GFOD1: variants seen among roughly 807,000 people sequenced by gnomAD.
GFOD1 encodes glucose-fructose oxidoreductase domain-containing protein 1.
A neutral mutation model predicts 25.4 loss-of-function variants in GFOD1; 9 were observed. That is an observed-to-expected ratio of 0.35 (90% CI 0.21 to 0.62). The LOEUF is 0.62. Among genes scored for constraint, GFOD1 ranks in the 20% least tolerant of loss-of-function variants. The pLI, the probability that GFOD1 is intolerant of heterozygous loss-of-function variation, is 0.72. For missense variants in GFOD1, 403 were observed against 556.9 expected, an observed-to-expected ratio of 0.72 and a Z score of 2.78; for synonymous variants, 253 against 245.6, an observed-to-expected ratio of 1.03 and a Z score of -0.28.
chr6:13,432,533 C>T (rs1462353909), intron 1 of GFOD1, among the ~76,000 whole-genome samples: 1 of 152,044 alleles, frequency 6.6e-6, no homozygotes, highest in Non-Finnish European at 1.5e-5. Context: ...AGACAAGAAC[C>T]TTAGGAAGAA....
intron 1 of GFOD1, among the ~76,000 whole-genome samples, chr6:13,465,673 T>C (rs2841557): frequency 0.92 from 139,769 of 152,184 alleles, 65,320 homozygotes; most frequent in East Asian, 1. Context: ...TAACTCATAG[T>C]CAAGCCTGAG....
intron 1 of GFOD1, among the ~76,000 whole-genome samples, chr6:13,379,253 T>G (rs1785313255): frequency 2.0e-5 from 3 of 152,130 alleles, no homozygotes; most frequent in Admixed American, 2.0e-4. Context: ...CCCCTGAATC[T>G]CCTTGCTGTG....
At position 13,374,269 on chromosome 6, in the gene GFOD1, T is replaced by TGTGTGTGTGTGTG. The variant is rs1388428104; in HGVS notation, c.254-8608_254-8607insCACACACACACAC. ...CCTAGTCTTTTTAAAAATATGTTTT[T>TGTGTGTGTGTGTG]TTTTTGTGTGTGTGTGTGTGTGTGT... is the stretch of plus-strand genomic sequence containing the variant. On this transcript the variant is annotated intron_variant, in intron 1 of 1. Transcript: ENST00000379287. Among the ~76,000 whole-genome samples the TGTGTGTGTGTGTG allele has an allele frequency of 2.4e-3, 290 of 121,848 alleles. 1 individual carries two copies. The highest frequency in any genetic ancestry group is 8.4e-3 in the South Asian group (34 of 4,048). The allele number at this position is 121,848 out of a possible 152,430, so 79.9% of individuals were successfully genotyped here.
At chr6:13,442,719 C>T (rs1433741077) in intron 1 of GFOD1, among the ~76,000 whole-genome samples, 1 of 152,092 alleles carries the variant, frequency 6.6e-6, no homozygotes, top group Admixed American at 6.6e-5. Context: ...GATGACAGCA[C>T]AATATTTTAA....
chr6:13,459,186 T>A (rs1396354693), intron 1 of GFOD1, among the ~76,000 whole-genome samples: 6 of 151,788 alleles, frequency 4.0e-5, no homozygotes, highest in Admixed American at 1.3e-4. Context: ...AGAATAGAGA[T>A]CTCAGAAATA....
intron 1 of GFOD1, among the ~76,000 whole-genome samples, chr6:13,480,259 C>T (rs1328472633): frequency 6.6e-6 from 1 of 152,208 alleles, no homozygotes; most frequent in African/African-American, 2.4e-5. Context: ...CTTGCACTCC[C>T]ATGGAGAAAC....
intron 1 of GFOD1, among the ~76,000 whole-genome samples, chr6:13,462,893 C>T (rs1210032497): frequency 6.6e-6 from 1 of 152,196 alleles, no homozygotes; most frequent in Non-Finnish European, 1.5e-5. Flanking sequence ...AGTTCTTATC[C>T]TTGAGAAGAA....
At chr6:13,372,349 G>C (rs1454191010) in intron 1 of GFOD1, among the ~76,000 whole-genome samples, 3 of 152,172 alleles carry the variant, frequency 2.0e-5, no homozygotes, top group Non-Finnish European at 4.4e-5. Flanking sequence ...TCCGAAGCCT[G>C]CTGAATGTGT....
Position 13,410,577 on chromosome 6 carries a change from GGAGAGAGAGAGA to G in GFOD1, c.254-44927_254-44916del, listed in dbSNP as rs10530261. On this transcript the variant is annotated intron_variant, in intron 1 of 1. Coordinates refer to ENST00000379287, the MANE Select transcript of GFOD1 (RefSeq NM_018988.4). The stretch of plus-strand genomic sequence containing the variant: ...AGCAAAACTCTGTCAAAGAAAGAAA[GGAGAGAGAGAGA>G]GAGAGAGAGAGAGAGAGAGAGAGAG... Among the ~76,000 whole-genome samples the G allele has an allele frequency of 2.0e-4, 25 of 128,184 alleles. 2 individuals are homozygous for G. In the East Asian group the frequency reaches 3.2e-3, roughly 16 times the overall value. The allele number at this position is 128,184 out of a possible 152,430, so 84.1% of individuals were successfully genotyped here.
chr6:13,448,283 T>C (rs1277383801), intron 1 of GFOD1, among the ~76,000 whole-genome samples: 1 of 152,222 alleles, frequency 6.6e-6, no homozygotes, highest in Non-Finnish European at 1.5e-5. Context: ...TTCATTTACC[T>C]GTTGTTTTGT....
chr6:13,379,714 G>A lies in GFOD1; in HGVS notation c.254-14052C>T, dbSNP rs548637300. Among the ~76,000 whole-genome samples, 182 of 152,298 alleles carry A rather than the reference G, an allele frequency of 1.2e-3. 1 individual carries two copies. The highest frequency in any genetic ancestry group is 2.1e-3 in the South Asian group (10 of 4,822). On this transcript the variant is annotated intron_variant, in intron 1 of 1. Transcript: ENST00000379287. ...ATTCCCTTCTGCTAAAATCAGCCAG[G>A]TAGTTTCTGTTGTTGGCAATTTAAA...
At chr6:13,441,037 G>A (rs922869416) in intron 1 of GFOD1, among the ~76,000 whole-genome samples, 1 of 152,172 alleles carries the variant, frequency 6.6e-6, no homozygotes, top group Non-Finnish European at 1.5e-5. Flanking sequence ...TCAGATCATC[G>A]TGAAGAAGTC....
intron 1 of GFOD1, among the ~76,000 whole-genome samples, chr6:13,389,974 C>T (rs905278582): frequency 1.3e-5 from 2 of 152,058 alleles, no homozygotes; most frequent in Admixed American, 6.6e-5. Flanking sequence ...CAAGTTCAGC[C>T]CCCCGTGCAC....
At chr6:13,470,780 G>A in intron 1 of GFOD1, 1 of 1,162,082 alleles carries the variant, frequency 8.6e-7, no homozygotes, top group Non-Finnish European at 1.2e-6. Context: ...CTTTGCCCTT[G>A]ACTACAGTCA....
chr6:13,426,999 T>C (rs1034475859), intron 1 of GFOD1, among the ~76,000 whole-genome samples: 1 of 152,196 alleles, frequency 6.6e-6, no homozygotes, highest in Non-Finnish European at 1.5e-5. Flanking sequence ...ATCATATCTC[T>C]CTCACAGTTA....
At chr6:13,401,538 A>G (rs1466145074) in intron 1 of GFOD1, among the ~76,000 whole-genome samples, 5 of 152,260 alleles carry the variant, frequency 3.3e-5, no homozygotes, top group African/African-American at 9.6e-5. Flanking sequence ...ATGTTGCAGA[A>G]AAATGAACAA....
Position 13,486,732 on chromosome 6 carries a change from GCT to G in GFOD1, c.157_158del (p.Ser53ProfsTer3). The G allele has an allele frequency of 6.2e-7, 1 of 1,614,122 alleles. No homozygotes were observed. Among genetic ancestry groups the G allele is most frequent in the Middle Eastern group, 1.6e-4 (1 of 6,062 alleles). On this transcript the variant is annotated frameshift_variant, in exon 1 of 2. Coordinates refer to ENST00000379287, the MANE Select transcript of GFOD1 (RefSeq NM_018988.4). LOFTEE classifies it high-confidence loss of function. ...GATGCAGCAGCACCTCATCAATGCG[GCT>G]AGTGTAGAAGGGGACACTCATCTCC... is the stretch of plus-strand genomic sequence containing the variant. ...AKEMSVPFYT[S>X]RIDEVLLHQD...
intron 1 of GFOD1, among the ~76,000 whole-genome samples, chr6:13,442,184 G>A (rs1052631925): frequency 6.6e-6 from 1 of 152,224 alleles, no homozygotes; most frequent in South Asian, 2.1e-4. Context: ...CATTGTATGT[G>A]AGGTACTGCT....
rs764219588 is a variant in GFOD1 at position 13,486,703 on chromosome 6, TC to T, written c.187del (p.Asp63ThrfsTer22). 6.2e-7 allele frequency: 1 copy of T among 1,613,908 alleles called. No individual in the cohort carries two copies. Among genetic ancestry groups the T allele is most frequent in the South Asian group, 1.1e-5 (1 of 91,080 alleles). ...SRIDEVLLHQ[D>X]VDLVCINLPP... ...CAGGTTAATGCACACCAAGTCCACG[TC>T]CTGATGCAGCAGCACCTCATCAATG... On this transcript the variant is annotated frameshift_variant, in exon 1 of 2. Coordinates refer to ENST00000379287, the MANE Select transcript of GFOD1 (RefSeq NM_018988.4). LOFTEE classifies it high-confidence loss of function.
Sources: allele counts gnomAD v4.1 joint callset (sites outside exome capture counted in the v4.1 genomes callset), GRCh38; gene constraint gnomAD v4.1.1; transcripts MANE v1.5; gene names NCBI Gene and HGNC (gene_info 2026-07-23, HGNC 2026-07-21).